Variants in FRMD4A observed in about 807,000 individuals in gnomAD.
FRMD4A encodes FERM domain-containing protein 4A.
Under a neutral mutation model 129.1 loss-of-function variants are expected in FRMD4A, and 29 were observed. The ratio of observed to expected loss-of-function variants is 0.22; its 90% CI spans 0.17 to 0.31. FRMD4A has a LOEUF of 0.31. Among genes scored for constraint, FRMD4A ranks in the 10% least tolerant of loss-of-function variants. The pLI is 1.00. For missense variants in FRMD4A, 1,272 were observed against 1,375.8 expected, an observed-to-expected ratio of 0.92 and a Z score of 1.19; for synonymous variants, 634 against 571.6, an observed-to-expected ratio of 1.11 and a Z score of -1.56.
intron 2 of FRMD4A, among the ~76,000 whole-genome samples, chr10:13,960,700 C>CCTG (rs1324203858): frequency 6.6e-6 from 1 of 152,150 alleles, no homozygotes; most frequent in African/African-American, 2.4e-5. Flanking sequence ...GATGGGTTGA[C>CCTG]CGGCAGCCCA....
At position 14,273,221 on chromosome 10, in the gene FRMD4A, C is replaced by T. The variant is rs562769659; in HGVS notation, c.45+56837G>A. Reference sequence around the variant, plus strand: ...GCAGTGAGCCAAGATTGCACCACTGCACTCCAGCCTGGGTGACAAAGTGAG... The same window carrying T: ...GCAGTGAGCCAAGATTGCACCACTGTACTCCAGCCTGGGTGACAAAGTGAG... On this transcript the variant is annotated intron_variant, in intron 2 of 24. Coordinates refer to ENST00000357447, the MANE Select transcript of FRMD4A (RefSeq NM_018027.5). Among the ~76,000 whole-genome samples the T allele has an allele frequency of 3.9e-5, 6 of 152,188 alleles. No individual in the cohort carries two copies. In the South Asian group the frequency reaches 6.2e-4, roughly 16 times the overall value.
chr10:13,784,318 G>A (rs542813173), intron 5 of FRMD4A, among the ~76,000 whole-genome samples: 59 of 152,266 alleles, frequency 3.9e-4, no homozygotes, highest in African/African-American at 1.3e-3. Flanking sequence ...TCTTCAGACC[G>A]TAAAAGAAGA....
At chr10:14,185,574 C>CT (rs1279850067) in intron 2 of FRMD4A, among the ~76,000 whole-genome samples, 8 of 152,000 alleles carry the variant, frequency 5.3e-5, no homozygotes, top group Non-Finnish European at 7.4e-5. Context: ...AAGGTTCAAT[C>CT]TCGTCTTGTA....
intron 3 of FRMD4A, among the ~76,000 whole-genome samples, chr10:13,816,691 G>A (rs1027574781): frequency 6.6e-6 from 1 of 152,230 alleles, no homozygotes; most frequent in Non-Finnish European, 1.5e-5. Flanking sequence ...CTGCTCTTAT[G>A]TGCTTTGAAG....
intron 3 of FRMD4A, among the ~76,000 whole-genome samples, chr10:13,814,770 A>G (rs2093514130): frequency 6.6e-6 from 1 of 151,992 alleles, no homozygotes; most frequent in African/African-American, 2.4e-5. Context: ...CAGAAAGAGA[A>G]AGAATGATTC....
chr10:13,707,721 T>C (rs904874199), intron 12 of FRMD4A: 21 of 985,224 alleles, frequency 2.1e-5, no homozygotes, highest in African/African-American at 5.3e-5. Flanking sequence ...AAGATCACAG[T>C]GTGAGCCTGT....
rs145396718 is a variant in FRMD4A at position 13,687,465 on chromosome 10, C to T, written c.1117+6433G>A. On this transcript the variant is annotated intron_variant, in intron 15 of 24. Transcript: ENST00000357447. ...ATTGTTGCTTTGTTGTTGTTATTCC[C>T]TTTTTTCTCCCCTCCAACATTTTCT... Among the ~76,000 whole-genome samples, 474 of 152,276 alleles carry T rather than the reference C, an allele frequency of 3.1e-3. 1 individual carries two copies. Among genetic ancestry groups the T allele is most frequent in the African/African-American group, 0.011 (439 of 41,554 alleles).
At chr10:13,705,378 G>A (rs542881693) in intron 13 of FRMD4A, among the ~76,000 whole-genome samples, 2 of 152,164 alleles carry the variant, frequency 1.3e-5, no homozygotes, top group Admixed American at 6.5e-5. Flanking sequence ...ATATGCGTGC[G>A]TGGTTAAAGG....
intron 2 of FRMD4A, among the ~76,000 whole-genome samples, chr10:14,325,930 G>A (rs1843255412): frequency 2.0e-5 from 3 of 152,120 alleles, no homozygotes. Context: ...TATTTAGAAT[G>A]GAAAGAAACT....
At chr10:14,273,078 A>C (rs1845219613) in intron 2 of FRMD4A, among the ~76,000 whole-genome samples, 1 of 151,446 alleles carries the variant, frequency 6.6e-6, no homozygotes, top group Non-Finnish European at 1.5e-5. Flanking sequence ...ACACACACAC[A>C]CACACACACA....
chr10:14,053,888 G>T (rs1054994720), intron 2 of FRMD4A, among the ~76,000 whole-genome samples: 1 of 152,120 alleles, frequency 6.6e-6, no homozygotes, highest in Admixed American at 6.5e-5. Flanking sequence ...AGTGGATTGT[G>T]GTGGTACAGG....
At chr10:14,023,008 C>T (rs1832830326) in intron 2 of FRMD4A, among the ~76,000 whole-genome samples, 1 of 152,168 alleles carries the variant, frequency 6.6e-6, no homozygotes, top group Non-Finnish European at 1.5e-5. Context: ...AGTGACTCCA[C>T]AGCCATCAGC....
chr10:14,089,618 C>CAAAAA (rs369054869), intron 2 of FRMD4A, among the ~76,000 whole-genome samples: 1 of 79,604 alleles, frequency 1.3e-5, no homozygotes. Context: ...CCTTTTCAAG[C>CAAAAA]AAAAAAAAAA....
intron 2 of FRMD4A, among the ~76,000 whole-genome samples, chr10:14,006,854 A>C (rs1480870768): frequency 6.6e-6 from 1 of 152,224 alleles, no homozygotes; most frequent in East Asian, 1.9e-4. Flanking sequence ...CATTTAATAC[A>C]TATTAGTTGA....
At chr10:14,315,999 C>T (rs895529188) in intron 2 of FRMD4A, among the ~76,000 whole-genome samples, 1 of 152,246 alleles carries the variant, frequency 6.6e-6, no homozygotes, top group Non-Finnish European at 1.5e-5. Flanking sequence ...GGGTGCCCTG[C>T]TCTGTGCTCT....
At chr10:13,850,790 G>A (rs930475839) in intron 3 of FRMD4A, among the ~76,000 whole-genome samples, 2 of 152,176 alleles carry the variant, frequency 1.3e-5, no homozygotes, top group Non-Finnish European at 2.9e-5. Flanking sequence ...ACCTATGCTC[G>A]AGCTACCTAT....
chr10:14,211,144 A>T (rs1344502784), intron 2 of FRMD4A, among the ~76,000 whole-genome samples: 1 of 152,226 alleles, frequency 6.6e-6, no homozygotes, highest in Non-Finnish European at 1.5e-5. Context: ...GTACTAGTCA[A>T]ATAAATTAAT....
At chr10:14,005,063 A>G (rs959626011) in intron 2 of FRMD4A, among the ~76,000 whole-genome samples, 1 of 150,814 alleles carries the variant, frequency 6.6e-6, no homozygotes, top group African/African-American at 2.4e-5. Flanking sequence ...TTTCTCTGTC[A>G]CCAGGCTCGA....
At chr10:13,733,384 C>A (rs923314269) in intron 12 of FRMD4A, among the ~76,000 whole-genome samples, 1 of 152,220 alleles carries the variant, frequency 6.6e-6, no homozygotes, top group East Asian at 1.9e-4. Flanking sequence ...GGGGGGTACC[C>A]CTAGAAGCTA....
Sources: gnomAD v4.1 joint callset for allele counts (sites outside exome capture counted in the v4.1 genomes callset) on GRCh38, gnomAD v4.1.1 for gene constraint, MANE v1.5 for transcripts, NCBI Gene and HGNC (gene_info 2026-07-23, HGNC 2026-07-21) for gene names.